CAND2: variants seen among roughly 807,000 people sequenced by gnomAD.
CAND2 encodes the protein cullin-associated NEDD8-dissociated protein 2.
Under a neutral mutation model 98.9 loss-of-function variants are expected in CAND2, and 62 were observed. That is an observed-to-expected ratio of 0.63 (90% CI 0.51 to 0.77). CAND2 has a LOEUF of 0.77. CAND2 is among the 30% of genes least tolerant of loss of function. CAND2 has a pLI of 0.00. For missense variants in CAND2, 1,501 were observed against 1,655.2 expected, an observed-to-expected ratio of 0.91 and a Z score of 1.62; for synonymous variants, 770 against 731.9, an observed-to-expected ratio of 1.05 and a Z score of -0.84.
chr3:12,797,885 CTCTGGTGG>C (rs1366757507), intron 1 of CAND2, among the ~76,000 whole-genome samples: 1 of 152,206 alleles, frequency 6.6e-6, no homozygotes, highest in African/African-American at 2.4e-5. Flanking sequence ...GACAGACCTG[CTCTGGTGG>C]TCTGACTCCT....
rs2061841612 is a variant in CAND2, at chr3:12,810,316, A to ACCGCCTC, written c.750_756dup (p.Gly253ProfsTer21). 1.4e-6 allele frequency: 2 copies of ACCGCCTC among 1,456,980 alleles called. No homozygotes were observed. Among genetic ancestry groups the ACCGCCTC allele is most frequent in the East Asian group, 5.5e-5 (2 of 36,664 alleles). 90.3% of individuals were successfully genotyped at this position (1,456,980 alleles called of 1,614,324 possible). On this transcript the variant is annotated frameshift_variant, in exon 5 of 15. Coordinates refer to ENST00000456430, the MANE Select transcript of CAND2 (RefSeq NM_001162499.2). LOFTEE classifies it high-confidence loss of function. ...GGCAGCGTCGGCCGCCAGGCCGGCC[A>ACCGCCTC]CCGCCTCGGTAAGGGGGCAGGGGGC...
Position 12,833,956 on chromosome 3 carries a change from A to G in CAND2, c.3685A>G (p.Ser1229Gly), listed in dbSNP as rs200539790. The change falls in exon 15 of 15, where the codon AGC becomes GGC. Residue 1229 changes from serine (S) to glycine (G), a missense_variant. This residue lies in a region of CAND2 where 1,427 missense variants were observed against 1,545.3 expected (regional missense o/e 0.92). Coordinates refer to ENST00000456430, the MANE Select transcript of CAND2 (RefSeq NM_001162499.2). ...CCAGAAGGATTCCGCTTCAGCCCCC[A>G]GCACAGACTCAATGGAGCTCAGCTA... ...SIQKDSASAP[S>G]TDSMELS 1.7e-4 allele frequency: 278 copies of G among 1,613,986 alleles called. 1 individual carries two copies. Among genetic ancestry groups the G allele is most frequent in the Middle Eastern group, 4.9e-4 (3 of 6,084 alleles).
In CAND2 at chr3:12,827,472, C is replaced by T. The variant is rs749210738; in HGVS notation, c.3243C>T (p.Asp1081=). The T allele has an allele frequency of 8.5e-5, 137 of 1,613,738 alleles. No individual in the cohort carries two copies. Among genetic ancestry groups the T allele is most frequent in the Admixed American group, 4.0e-4 (24 of 59,978 alleles). Residue 1081 remains aspartate (D), a synonymous_variant, in exon 13 of 15, where the codon GAC becomes GAT. Transcript: ENST00000456430. ...TGGGGCCCTTTAAACATACAGTGGA[C>T]GATGGGCTGGACGTGCGGAAGGCGG... The part of the protein sequence containing the change: ...VEMGPFKHTV[D]DGLDVRKAAF...
At chr3:12,809,184 A>G (rs1575766662) in intron 4 of CAND2, among the ~76,000 whole-genome samples, 1 of 152,002 alleles carries the variant, frequency 6.6e-6, no homozygotes, top group South Asian at 2.1e-4. Context: ...GCGGGGGCAG[A>G]CAGAGGTGCT....
In CAND2 at chr3:12,829,992, C is replaced by T. The variant is rs912261008; in HGVS notation, c.3376-1473C>T. 3.9e-5 allele frequency among the ~76,000 whole-genome samples: 6 copies of T among 152,174 alleles called. No individual in the cohort carries two copies. In the East Asian group the frequency reaches 5.8e-4, roughly 15 times the overall value. On this transcript the variant is annotated intron_variant, in intron 13 of 14. Transcript: ENST00000456430. Reference sequence around the variant, plus strand: ...CACCCTGGTGCATTACTGTGACCCACGGTGTGATCGGTGGGCTTCTAGGGT... The same window carrying T: ...CACCCTGGTGCATTACTGTGACCCATGGTGTGATCGGTGGGCTTCTAGGGT...
In CAND2 at chr3:12,810,332, G is replaced by C; in HGVS notation, c.757+8G>C. ...AGGCCGGCCACCGCCTCGGTAAGGG[G>C]GCAGGGGGCGGGGCCTGGGCTGGCA... On this transcript the variant is annotated splice_region_variant and intron_variant, in intron 5 of 14. Transcript: ENST00000456430. The C allele has an allele frequency of 2.1e-6, 3 of 1,438,794 alleles. No individual in the cohort carries two copies. The highest frequency in any genetic ancestry group is 2.7e-6 in the Non-Finnish European group (3 of 1,097,292). 89.1% of individuals were successfully genotyped at this position (1,438,794 alleles called of 1,614,324 possible).
chr3:12,810,129 C>T lies in CAND2; in HGVS notation c.562C>T (p.Arg188Cys). Residue 188 changes from arginine to cysteine, a missense_variant, in exon 5 of 15, where the codon CGC becomes TGC. Arg to Cys is a radical substitution (Grantham distance 180). Around this residue, in one of 3 missense-constraint regions of CAND2, gnomAD observed 1,427 missense variants for 1,545.3 expected, o/e 0.92. Coordinates refer to ENST00000456430, the MANE Select transcript of CAND2 (RefSeq NM_001162499.2). ...HCLLPQLSSP[R>C]LAVRKRAVGA... The stretch of plus-strand genomic sequence containing the variant: ...TCTGCTGCCACAGCTGAGCAGCCCG[C>T]GCCTGGCGGTGCGCAAGCGGGCGGT... 1 of 1,521,634 alleles carries T rather than the reference C, an allele frequency of 6.6e-7. No individual in the cohort carries two copies. Among genetic ancestry groups the T allele is most frequent in the East Asian group, 2.6e-5 (1 of 39,006 alleles). The allele number at this position is 1,521,634 out of a possible 1,614,324, so 94.3% of individuals were successfully genotyped here. A position where few individuals can be genotyped will look rare whatever the true frequency, so the allele number is the denominator to read the frequency against.
At position 12,834,072 on chromosome 3, in the gene CAND2, T is replaced by C. The variant is rs893592203; in HGVS notation, c.*90T>C. 7.3e-6 allele frequency: 8 copies of C among 1,091,190 alleles called. No homozygotes were observed. In the African/African-American group the frequency reaches 1.1e-4, roughly 15 times the overall value. 67.6% of individuals were successfully genotyped at this position (1,091,190 alleles called of 1,614,324 possible). A position where few individuals can be genotyped will look rare whatever the true frequency, so the allele number is the denominator to read the frequency against. ...CCATCCCACCATCGCAGGTCTCTACTTTTGCCCTTCCACCATCTCACTGGG... is the reference window on the plus strand; with the variant it reads ...CCATCCCACCATCGCAGGTCTCTACCTTTGCCCTTCCACCATCTCACTGGG... On this transcript the variant is annotated 3_prime_UTR_variant, in exon 15 of 15. Coordinates refer to ENST00000456430, the MANE Select transcript of CAND2 (RefSeq NM_001162499.2).
intron 4 of CAND2, among the ~76,000 whole-genome samples, chr3:12,809,598 G>C (rs1285050184): frequency 6.6e-6 from 1 of 152,162 alleles, no homozygotes; most frequent in Non-Finnish European, 1.5e-5. Context: ...GTCTGGTGTT[G>C]CCTCTTGTCT....
chr3:12,802,135 G>A (rs1481900574), intron 1 of CAND2, among the ~76,000 whole-genome samples: 1 of 152,186 alleles, frequency 6.6e-6, no homozygotes, highest in Non-Finnish European at 1.5e-5. Flanking sequence ...AGACCATCCT[G>A]GCTAACACAG....
intron 14 of CAND2, among the ~76,000 whole-genome samples, chr3:12,833,042 T>C (rs2062068229): frequency 6.6e-6 from 1 of 152,190 alleles, no homozygotes; most frequent in South Asian, 2.1e-4. Context: ...AAAGATGTAG[T>C]TACCTGAAGT....
At chr3:12,821,967 T>C (rs1045637075) in intron 11 of CAND2, among the ~76,000 whole-genome samples, 1 of 152,200 alleles carries the variant, frequency 6.6e-6, no homozygotes, top group Non-Finnish European at 1.5e-5. Flanking sequence ...ATAAAATAAG[T>C]ATTTTATGTA....
In CAND2 at chr3:12,813,243, C is replaced by G; in HGVS notation, c.864-3C>G. On this transcript the variant is annotated splice_polypyrimidine_tract_variant and splice_region_variant and intron_variant, in intron 6 of 14. Transcript: ENST00000456430. ...GCAAAGCATTCCTCATCCTGCCCCA[C>G]AGGTGCCCCAAGGAAATGGGTCCTC... The G allele has an allele frequency of 1.2e-6, 2 of 1,612,822 alleles. No individual in the cohort carries two copies. Among genetic ancestry groups the G allele is most frequent in the Non-Finnish European group, 1.7e-6 (2 of 1,179,632 alleles).
chr3:12,806,231 C>G (rs1384915837), intron 2 of CAND2, among the ~76,000 whole-genome samples: 1 of 152,112 alleles, frequency 6.6e-6, no homozygotes, highest in Non-Finnish European at 1.5e-5. Context: ...TCGCTTGAGC[C>G]CAGGAGTTTG....
chr3:12,807,179 C>T, intron 2 of CAND2, 127 bp from the exon 3 acceptor site: 4 of 798,104 alleles, frequency 5.0e-6, no homozygotes, highest in Non-Finnish European at 7.8e-6. Context: ...CAAACAGGGG[C>T]TCCCCTGATG....
intron 13 of CAND2, among the ~76,000 whole-genome samples, chr3:12,830,751 C>T (rs2062046276): frequency 6.6e-6 from 1 of 152,188 alleles, no homozygotes; most frequent in African/African-American, 2.4e-5. Flanking sequence ...TTGTCTAGTT[C>T]TAGGGCACAG....
Position 12,813,063 on chromosome 3 carries a change from C to T in CAND2, c.831C>T (p.Ser277=). The T allele has an allele frequency of 1.9e-6, 3 of 1,582,496 alleles. No individual in the cohort carries two copies. The South Asian group carries it at 3.5e-5, about 18-fold the overall frequency. The change falls in exon 6 of 15, where the codon TCC becomes TCT. Residue 277 remains serine (S), a synonymous_variant. Transcript: ENST00000456430. The stretch of plus-strand genomic sequence containing the variant: ...TGGATGATGATGAGCTCCGGGAGTC[C>T]TGCCTCCAGGCTTTTGAGGCCTTCT... ...CNLDDDELRE[S]CLQAFEAFLR...
chr3:12,817,467 G>T lies in CAND2; in HGVS notation c.2535G>T (p.Leu845Phe), dbSNP rs17037287. The T allele has an allele frequency of 4.8e-3, 7,771 of 1,613,644 alleles. 22 individuals carry two copies. Among genetic ancestry groups the T allele is most frequent in the Non-Finnish European group, 6.1e-3 (7,172 of 1,179,918 alleles). ...SSTGVKVLAF[L>F]SLAEVGQVAG... Reference sequence around the variant, plus strand: ...CGGGGGTCAAGGTCCTGGCATTCTTGTCGCTGGCTGAGGTGGGTCAGGTGG... The same window carrying T: ...CGGGGGTCAAGGTCCTGGCATTCTTTTCGCTGGCTGAGGTGGGTCAGGTGG... Residue 845 changes from leucine (L) to phenylalanine (F), a missense_variant, in exon 10 of 15, where the codon TTG becomes TTT. This residue lies in a region of CAND2 where 1,427 missense variants were observed against 1,545.3 expected (regional missense o/e 0.92). Coordinates refer to ENST00000456430, the MANE Select transcript of CAND2 (RefSeq NM_001162499.2).
chr3:12,810,180 G>T lies in CAND2; in HGVS notation c.613G>T (p.Ala205Ser), dbSNP rs999774583. ...AVGALGHLAA[A>S]CSTDLFVELA... ...CGGAGCGCTTGGCCACCTGGCGGCC[G>T]CCTGCAGCACCGACCTCTTCGTCGA... is the stretch of plus-strand genomic sequence containing the variant. The change falls in exon 5 of 15, where the codon GCC (alanine) becomes TCC (serine). Residue 205 changes from alanine (A) to serine (S), a missense_variant. This residue lies in a region of CAND2 where 1,427 missense variants were observed against 1,545.3 expected (regional missense o/e 0.92). Transcript: ENST00000456430. 3 of 1,533,302 alleles carry T rather than the reference G, an allele frequency of 2.0e-6. No individual in the cohort carries two copies. The highest frequency in any genetic ancestry group is 2.6e-6 in the Non-Finnish European group (3 of 1,145,488). The allele number at this position is 1,533,302 out of a possible 1,614,324, so 95.0% of individuals were successfully genotyped here.
Sources: gnomAD v4.1 joint callset for allele counts (sites outside exome capture counted in the v4.1 genomes callset) on GRCh38, gnomAD v4.1.1 for gene constraint, gnomAD v4.1.1 regional missense constraint, MANE v1.5 for transcripts, NCBI Gene and HGNC (gene_info 2026-07-23, HGNC 2026-07-21) for gene names.